Variants in ANKFN1 observed in about 807,000 individuals in gnomAD.
The protein encoded by ANKFN1 is ankyrin repeat and fibronectin type III domain containing 1, also known as ankyrin repeat and fibronectin type-III domain-containing protein 1.
Under a neutral mutation model 108.7 loss-of-function variants are expected in ANKFN1, and 74 were observed. That is an observed-to-expected ratio of 0.68 (90% CI 0.56 to 0.83). The LOEUF (loss-of-function observed/expected upper bound fraction) is 0.83, where lower values mean the gene tolerates loss of function less well. ANKFN1 is among the 40% of genes least tolerant of loss of function. ANKFN1 has a pLI of 0.00. For synonymous variants in ANKFN1, 547 were observed against 516.2 expected, an observed-to-expected ratio of 1.06 and a Z score of -0.81; for missense variants, 1,505 against 1,382.3, an observed-to-expected ratio of 1.09 and a Z score of -1.41.
chr17:56,365,130 C>A (rs2046625649), intron 6 of ANKFN1, among the ~76,000 whole-genome samples: 1 of 152,116 alleles, frequency 6.6e-6, no homozygotes, highest in African/African-American at 2.4e-5. Context: ...TTATAATCAG[C>A]AAAAATAAAT....
chr17:56,372,862 C>A (rs1334609692), intron 7 of ANKFN1, 22 bp downstream of exon 7: 5 of 1,597,352 alleles, frequency 3.1e-6, no homozygotes, highest in Non-Finnish European at 4.3e-6. Flanking sequence ...CAGAAAATGT[C>A]TACATTTCAC....
chr17:56,118,775 C>A (rs1172776112), intron 4 of ANKFN1, among the ~76,000 whole-genome samples: 1 of 152,164 alleles, frequency 6.6e-6, no homozygotes, highest in East Asian at 1.9e-4. Flanking sequence ...ATTGAGCATG[C>A]ACTCTCTGCT....
At chr17:56,406,472 C>T (rs949312305) in intron 8 of ANKFN1, among the ~76,000 whole-genome samples, 2 of 152,040 alleles carry the variant, frequency 1.3e-5, no homozygotes, top group Non-Finnish European at 2.9e-5. Flanking sequence ...CCAAAAGAGT[C>T]TTTTATAGTG....
chr17:56,125,071 TCC>T (rs1906842733), intron 4 of ANKFN1, among the ~76,000 whole-genome samples: 2 of 152,206 alleles, frequency 1.3e-5, no homozygotes, highest in South Asian at 4.1e-4. Flanking sequence ...AACACCATTT[TCC>T]CATAGAACCT....
intron 1 of ANKFN1, among the ~76,000 whole-genome samples, chr17:56,166,892 A>T (rs1329169375): frequency 1.3e-5 from 2 of 152,180 alleles, no homozygotes; most frequent in East Asian, 3.9e-4. Flanking sequence ...CCTGAAATTT[A>T]AAATCAGACA....
chr17:56,060,779 G>A (rs570068395), intron 4 of ANKFN1, among the ~76,000 whole-genome samples: 5 of 152,316 alleles, frequency 3.3e-5, no homozygotes, highest in Admixed American at 1.3e-4. Flanking sequence ...CAGGGATGAA[G>A]CCAACTTGAT....
Position 56,466,356 on chromosome 17 carries a change from A to G in ANKFN1, c.1558A>G (p.Asn520Asp), listed in dbSNP as rs2050072104. 3.1e-6 allele frequency: 5 copies of G among 1,614,116 alleles called. No individual in the cohort carries two copies. The East Asian group carries it at 1.1e-4, about 36-fold the overall frequency. ...KMLAATAQLQNLLGTHNLGRV... is the reference protein window; with the variant it reads ...KMLAATAQLQDLLGTHNLGRV... Reference sequence around the variant, plus strand: ...CTACCGGTAATCCATTTGTTTCCAGAATTTACTTGGGACACACAACTTGGG... The same window carrying G: ...CTACCGGTAATCCATTTGTTTCCAGGATTTACTTGGGACACACAACTTGGG... The change falls in exon 15 of 21, where the codon AAT (asparagine) becomes GAT (aspartate). Residue 520 changes from asparagine to aspartate, a missense_variant and splice_region_variant. Asn to Asp is a conservative substitution (Grantham distance 23). Coordinates refer to ENST00000682825, the MANE Select transcript of ANKFN1 (RefSeq NM_001370326.1).
intron 2 of ANKFN1, among the ~76,000 whole-genome samples, chr17:56,215,614 A>G (rs1915365882): frequency 6.6e-6 from 1 of 152,244 alleles, no homozygotes; most frequent in South Asian, 2.1e-4. Context: ...GGTGCGATTC[A>G]TGTAGATGAA....
intron 17 of ANKFN1, 73 bp downstream of exon 17, chr17:56,480,891 G>T: frequency 8.2e-7 from 1 of 1,214,226 alleles, no homozygotes; most frequent in Non-Finnish European, 1.1e-6. Flanking sequence ...TAAGTGGGGT[G>T]TGTGTGTGTG....
At chr17:56,427,919 G>A (rs1474029324) in intron 8 of ANKFN1, among the ~76,000 whole-genome samples, 2 of 152,048 alleles carry the variant, frequency 1.3e-5, no homozygotes, top group African/African-American at 4.8e-5. Context: ...CTACCACATA[G>A]GAGTGTTAGG....
At chr17:56,207,423 C>A (rs906506268) in intron 1 of ANKFN1, among the ~76,000 whole-genome samples, 3 of 152,190 alleles carry the variant, frequency 2.0e-5, no homozygotes, top group Non-Finnish European at 2.9e-5. Context: ...GATCTTCCAA[C>A]TGAAGCTCTT....
intron 8 of ANKFN1, among the ~76,000 whole-genome samples, chr17:56,384,767 G>T (rs1319511491): frequency 2.6e-5 from 4 of 151,556 alleles, no homozygotes; most frequent in African/African-American, 9.7e-5. Context: ...TACAAGGGAC[G>T]TGAAGGACCT....
chr17:56,073,503 G>C (rs1256773047), intron 4 of ANKFN1, among the ~76,000 whole-genome samples: 2 of 152,118 alleles, frequency 1.3e-5, no homozygotes, highest in Non-Finnish European at 2.9e-5. Context: ...TTTTAGTAGT[G>C]TTTTTCTTTA....
rs185630116 is a variant in ANKFN1 at position 56,128,752 on chromosome 17, C to A, written c.288+82427C>A. On this transcript the variant is annotated intron_variant, in intron 4 of 12. Coordinates refer to the ANKFN1 transcript ENST00000635860. ...TTAATCCAGGGATTCTCATATATAT[C>A]TGACCACAGAACCCTTTTAGCTAAC... Among the ~76,000 whole-genome samples the A allele has an allele frequency of 4.6e-5, 7 of 152,296 alleles. No homozygotes were observed. The East Asian group carries it at 5.8e-4, about 13-fold the overall frequency.
chr17:56,152,258 A>ATGTGTGTG (rs1211660209), upstream of ANKFN1, among the ~76,000 whole-genome samples: 98 of 84,496 alleles, frequency 1.2e-3, no homozygotes, highest in African/African-American at 2.8e-3. Flanking sequence ...ATATATATAT[A>ATGTGTGTG]TATATGTGTG....
intron 3 of ANKFN1, among the ~76,000 whole-genome samples, chr17:56,238,389 A>C (rs1347027180): frequency 6.6e-6 from 1 of 152,036 alleles, no homozygotes; most frequent in African/African-American, 2.4e-5. Context: ...GGAGTTTCCC[A>C]CTATTATTGT....
chr17:56,128,502 T>C (rs1300171178), intron 4 of ANKFN1, among the ~76,000 whole-genome samples: 27 of 152,304 alleles, frequency 1.8e-4, no homozygotes, highest in Non-Finnish European at 2.9e-5. Context: ...GGGTGTTCTG[T>C]TCTGTAACAA....
intron 2 of ANKFN1, chr17:56,224,804 A>G (rs1373460545): frequency 3.3e-5 from 5 of 152,276 alleles, no homozygotes; most frequent in Non-Finnish European, 2.9e-5. Context: ...CACAGTTCAT[A>G]TGAAAGTGGA....
intron 4 of ANKFN1, among the ~76,000 whole-genome samples, chr17:56,137,253 G>C (rs759136192): frequency 1.3e-5 from 2 of 152,186 alleles, no homozygotes; most frequent in Non-Finnish European, 2.9e-5. Context: ...TTGAATACTG[G>C]CTTTGGAGGT....
Sources: allele counts gnomAD v4.1 joint callset (sites outside exome capture counted in the v4.1 genomes callset), GRCh38; gene constraint gnomAD v4.1.1; transcripts MANE v1.5; gene names NCBI Gene and HGNC (gene_info 2026-07-23, HGNC 2026-07-21).